The following FHIP1A variants were observed in gnomAD, a reference collection of about 807,000 sequenced individuals.
FHIP1A encodes the protein FHF complex subunit HOOK interacting protein 1A.
In FHIP1A, 61 loss-of-function variants were observed where a neutral mutation model predicts 88.6. The observed-to-expected ratio is 0.69, with a 90% confidence interval of 0.56 to 0.85. The LOEUF (loss-of-function observed/expected upper bound fraction) is 0.85, where lower values mean the gene tolerates loss of function less well. Ranked by LOEUF, FHIP1A falls within the 40% of genes least tolerant of loss-of-function variation. The probability of loss-of-function intolerance (pLI) is 0.00; values close to 1 mark genes in which losing one functional copy is unlikely to be tolerated. For missense variants in FHIP1A, 1,154 were observed against 1,273.5 expected, an observed-to-expected ratio of 0.91 and a Z score of 1.43; for synonymous variants, 478 against 496.0, an observed-to-expected ratio of 0.96 and a Z score of 0.48.
chr4:151,622,283 G>A (rs752827580), intron 7 of FHIP1A, among the ~76,000 whole-genome samples: 7 of 152,074 alleles, frequency 4.6e-5, no homozygotes, highest in Non-Finnish European at 1.5e-5. Flanking sequence ...ATGAGGGCAG[G>A]GTAAGGTACA....
chr4:151,639,897 G>A (rs1316682618), intron 9 of FHIP1A, among the ~76,000 whole-genome samples: 1 of 152,192 alleles, frequency 6.6e-6, no homozygotes, highest in African/African-American at 2.4e-5. Flanking sequence ...GGGTGGAGCT[G>A]AGAGTGGGGG....
intron 7 of FHIP1A, among the ~76,000 whole-genome samples, chr4:151,614,743 T>G (rs1279999816): frequency 6.6e-6 from 1 of 152,174 alleles, no homozygotes; most frequent in African/African-American, 2.4e-5. Flanking sequence ...GTGAGTACTT[T>G]CAGGGATTGC....
At chr4:151,514,035 T>C (rs994613099) in intron 3 of FHIP1A, among the ~76,000 whole-genome samples, 3 of 151,674 alleles carry the variant, frequency 2.0e-5, no homozygotes, top group Admixed American at 6.6e-5. Context: ...TATTCCAAAA[T>C]TGACCACATA....
At chr4:151,655,577 T>C (rs1390223476) in intron 11 of FHIP1A, among the ~76,000 whole-genome samples, 2 of 152,184 alleles carry the variant, frequency 1.3e-5, no homozygotes, top group Non-Finnish European at 2.9e-5. Flanking sequence ...TCACGTGTGG[T>C]TACCGAGTTG....
At chr4:151,540,120 T>G (rs1732230528) in intron 3 of FHIP1A, among the ~76,000 whole-genome samples, 1 of 152,214 alleles carries the variant, frequency 6.6e-6, no homozygotes, top group African/African-American at 2.4e-5. Context: ...GGCAAATAAA[T>G]TTGCTTTTTT....
chr4:151,577,588 G>A lies in FHIP1A; in HGVS notation c.244G>A (p.Asp82Asn), dbSNP rs1002716594. Residue 82 changes from aspartate to asparagine, a missense_variant, in exon 5 of 14, where the codon GAT becomes AAT. Transcript: ENST00000435205. ...CTTGTTGATTGAAGAGCAAGCCAAAGATGCTGCAATGGGGCCGATTCTGGA... is the reference window on the plus strand; with the variant it reads ...CTTGTTGATTGAAGAGCAAGCCAAAAATGCTGCAATGGGGCCGATTCTGGA... ...LFLLIEEQAK[D>N]AAMGPILEFV... is the part of the protein sequence containing the mutation. 2 of 1,551,960 alleles carry A rather than the reference G, an allele frequency of 1.3e-6. No homozygotes were observed. The highest frequency in any genetic ancestry group is 2.7e-5 in the African/African-American group (2 of 73,148).
At chr4:151,475,700 G>A (rs1729672523) in intron 2 of FHIP1A, among the ~76,000 whole-genome samples, 1 of 151,982 alleles carries the variant, frequency 6.6e-6, no homozygotes, top group Admixed American at 6.6e-5. Context: ...GAAATAACTT[G>A]CTTAACATGT....
At chr4:151,586,266 G>A (rs1390969608) in intron 5 of FHIP1A, among the ~76,000 whole-genome samples, 1 of 152,020 alleles carries the variant, frequency 6.6e-6, no homozygotes, top group Non-Finnish European at 1.5e-5. Flanking sequence ...TGTACTATAG[G>A]ATACTGTTTA....
At chr4:151,564,867 G>T (rs1025597408) in intron 3 of FHIP1A, among the ~76,000 whole-genome samples, 1 of 151,982 alleles carries the variant, frequency 6.6e-6, no homozygotes, top group Non-Finnish European at 1.5e-5. Flanking sequence ...TTTTCATGTC[G>T]AATGGTTGCC....
intron 3 of FHIP1A, among the ~76,000 whole-genome samples, chr4:151,529,533 A>G (rs761367066): frequency 6.6e-6 from 1 of 152,198 alleles, no homozygotes; most frequent in African/African-American, 2.4e-5. Context: ...CTTCTAAATC[A>G]GGTTCCCATC....
chr4:151,578,253 A>G (rs528864837), intron 5 of FHIP1A, among the ~76,000 whole-genome samples, 177 bp downstream of exon 5: 2 of 152,272 alleles, frequency 1.3e-5, no homozygotes, highest in East Asian at 3.9e-4. Flanking sequence ...TTGAGACGCT[A>G]TTTGGCTGAG....
chr4:151,604,805 C>T (rs201986548), intron 7 of FHIP1A, among the ~76,000 whole-genome samples: 11 of 150,856 alleles, frequency 7.3e-5, no homozygotes, highest in African/African-American at 2.0e-4. Context: ...GCTGAGATCG[C>T]GCCACTGTAC....
At chr4:151,522,131 C>T (rs946903906) in intron 3 of FHIP1A, among the ~76,000 whole-genome samples, 4 of 152,128 alleles carry the variant, frequency 2.6e-5, no homozygotes, top group African/African-American at 7.2e-5. Flanking sequence ...CAGGCTGTCC[C>T]CTTTTTCTCT....
chr4:151,524,776 A>T (rs1390102945), intron 3 of FHIP1A, among the ~76,000 whole-genome samples: 1 of 152,228 alleles, frequency 6.6e-6, no homozygotes, highest in African/African-American at 2.4e-5. Flanking sequence ...CACTTGAGGG[A>T]AGATGCAAGA....
chr4:151,649,105 T>C (rs1365440517), intron 10 of FHIP1A, among the ~76,000 whole-genome samples: 1 of 152,224 alleles, frequency 6.6e-6, no homozygotes, highest in African/African-American at 2.4e-5. Context: ...TATTACTCTG[T>C]GGCAGGTACT....
intron 3 of FHIP1A, among the ~76,000 whole-genome samples, chr4:151,559,578 T>G (rs1357174091): frequency 6.6e-6 from 1 of 152,244 alleles, no homozygotes; most frequent in East Asian, 1.9e-4. Context: ...TTTGGCAGCC[T>G]TATCCTATCA....
At chr4:151,519,371 T>A (rs1731373390) in intron 3 of FHIP1A, among the ~76,000 whole-genome samples, 1 of 152,210 alleles carries the variant, frequency 6.6e-6, no homozygotes, top group African/African-American at 2.4e-5. Context: ...GTTCTTTCAC[T>A]CATCATAATG....
chr4:151,491,569 A>G (rs1730283014), intron 3 of FHIP1A, among the ~76,000 whole-genome samples: 2 of 152,134 alleles, frequency 1.3e-5, no homozygotes, highest in African/African-American at 4.8e-5. Flanking sequence ...CCTATAAAAC[A>G]ATAACACAAT....
intron 3 of FHIP1A, among the ~76,000 whole-genome samples, chr4:151,513,631 A>C (rs1731118396): frequency 1.3e-5 from 2 of 152,160 alleles, no homozygotes; most frequent in South Asian, 4.1e-4. Flanking sequence ...ATGGAAAACA[A>C]AAAAAGGCAG....
Sources: allele counts gnomAD v4.1 joint callset (sites outside exome capture counted in the v4.1 genomes callset), GRCh38; gene constraint gnomAD v4.1.1; transcripts MANE v1.5; gene names NCBI Gene and HGNC (gene_info 2026-07-23, HGNC 2026-07-21).